The following CRIM1 variants were observed in gnomAD, a reference collection of about 807,000 sequenced individuals.
The protein encoded by CRIM1 is cysteine rich transmembrane BMP regulator 1.
In CRIM1, 32 loss-of-function variants were observed where a neutral mutation model predicts 116.4. That is an observed-to-expected ratio of 0.27 (90% CI 0.21 to 0.37). The LOEUF (loss-of-function observed/expected upper bound fraction) is 0.37. Ranked by LOEUF, CRIM1 falls within the 10% of genes least tolerant of loss-of-function variation. The pLI, the probability that CRIM1 is intolerant of heterozygous loss-of-function variation, is 1.00. For synonymous variants in CRIM1, 590 were observed against 509.2 expected, an observed-to-expected ratio of 1.16 and a Z score of -2.13; for missense variants, 1,331 against 1,354.8, an observed-to-expected ratio of 0.98 and a Z score of 0.28.
intron 5 of CRIM1, among the ~76,000 whole-genome samples, chr2:36,471,424 C>A (rs1220997415): frequency 6.6e-6 from 1 of 152,070 alleles, no homozygotes; most frequent in Non-Finnish European, 1.5e-5. Context: ...TTGCCACAGC[C>A]ACCCCAACCT....
intron 2 of CRIM1, among the ~76,000 whole-genome samples, chr2:36,419,809 G>A (rs1673913531): frequency 1.3e-5 from 2 of 152,210 alleles, no homozygotes; most frequent in Admixed American, 1.3e-4. Context: ...GATCTGCGCA[G>A]CACATCTGAA....
intron 12 of CRIM1, among the ~76,000 whole-genome samples, chr2:36,520,349 C>G (rs1665301386): frequency 6.6e-6 from 1 of 152,198 alleles, no homozygotes; most frequent in Non-Finnish European, 1.5e-5. Context: ...TAACGTAAGT[C>G]ACAAAAACCT....
At chr2:36,438,130 C>CAAA (rs200633505) in intron 2 of CRIM1, among the ~76,000 whole-genome samples, 4 of 100,428 alleles carry the variant, frequency 4.0e-5, no homozygotes, top group African/African-American at 7.5e-5. Flanking sequence ...GACTCCATCT[C>CAAA]AAAAAAAAAA....
intron 13 of CRIM1, among the ~76,000 whole-genome samples, chr2:36,534,479 A>G (rs893795116): frequency 1.6e-4 from 20 of 127,598 alleles, no homozygotes; most frequent in Middle Eastern, 4.1e-3. Flanking sequence ...AGGAAAATAT[A>G]GGCAGGAAGG....
At chr2:36,476,419 C>G (rs1353291964) in intron 5 of CRIM1, among the ~76,000 whole-genome samples, 1 of 152,044 alleles carries the variant, frequency 6.6e-6, no homozygotes, top group African/African-American at 2.4e-5. Context: ...ATACCATGTA[C>G]AGAGAAAAAG....
Position 36,544,362 on chromosome 2 carries a change from T to C in CRIM1, c.2624-14T>C. 2 of 1,338,276 alleles carry C rather than the reference T, an allele frequency of 1.5e-6. No homozygotes were observed. The highest frequency in any genetic ancestry group is 2.0e-4 in the Middle Eastern group (1 of 5,030). 82.9% of individuals were successfully genotyped at this position (1,338,276 alleles called of 1,614,324 possible). A position where few individuals can be genotyped will look rare whatever the true frequency, so the allele number is the denominator to read the frequency against. ...GCTTCATCATCTCTTAGGAAAAATG[T>C]TCCCTTCTTTTAGAAATGTATGTCC... On this transcript the variant is annotated splice_polypyrimidine_tract_variant and intron_variant, in intron 14 of 16. Coordinates refer to ENST00000280527, the MANE Select transcript of CRIM1 (RefSeq NM_016441.3).
At chr2:36,495,161 G>A (rs891238557) in intron 7 of CRIM1, among the ~76,000 whole-genome samples, 10 of 152,088 alleles carry the variant, frequency 6.6e-5, no homozygotes, top group East Asian at 1.9e-4. Flanking sequence ...CTTTGTTTAC[G>A]AAACACGCCA....
chr2:36,404,485 C>T (rs1333846700), intron 2 of CRIM1, among the ~76,000 whole-genome samples: 1 of 152,156 alleles, frequency 6.6e-6, no homozygotes, highest in Admixed American at 6.5e-5. Flanking sequence ...CCTTCCGAGG[C>T]GACCGCTTTC....
At chr2:36,522,447 T>A in intron 13 of CRIM1, 134 bp downstream of exon 13, 1 of 680,518 alleles carries the variant, frequency 1.5e-6, no homozygotes, top group Non-Finnish European at 2.6e-6. Context: ...AGACCCAGTG[T>A]AGCAACACTG....
At chr2:36,357,114 C>T (rs1206634272) in intron 1 of CRIM1, among the ~76,000 whole-genome samples, 2 of 152,222 alleles carry the variant, frequency 1.3e-5, no homozygotes, top group Non-Finnish European at 2.9e-5. Context: ...GCTCGCACTC[C>T]CCGAGTGACT....
intron 8 of CRIM1, among the ~76,000 whole-genome samples, chr2:36,505,920 T>C (rs907585529): frequency 1.3e-5 from 2 of 152,180 alleles, no homozygotes; most frequent in Non-Finnish European, 2.9e-5. Flanking sequence ...CACTGAACGC[T>C]GTTGTCCTGC....
rs6730889 is a variant in CRIM1, at chr2:36,476,986, T to A, written c.1089T>A (p.Val363=). 35,032 of 1,614,068 alleles carry A rather than the reference T, an allele frequency of 0.022. 837 individuals carry two copies. Among genetic ancestry groups the A allele is most frequent in the African/African-American group, 0.11 (8,223 of 75,012 alleles). Residue 363 remains valine, a synonymous_variant, in exon 6 of 17, where the codon GTT becomes GTA. Transcript: ENST00000280527. ...NCRFCRCQGG[V]AICFTAQCGE... Reference sequence around the variant, plus strand: ...GGTTCTGTCGATGCCAAGGGGGCGTTGCCATCTGCTTCACCGCCCAGTGTG... The same window carrying A: ...GGTTCTGTCGATGCCAAGGGGGCGTAGCCATCTGCTTCACCGCCCAGTGTG...
At chr2:36,441,631 C>T in intron 3 of CRIM1, 131 bp downstream of exon 3, 1 of 1,193,274 alleles carries the variant, frequency 8.4e-7, no homozygotes, top group Non-Finnish European at 1.2e-6. Flanking sequence ...GAATCTGCCA[C>T]TTTGGGCTAA....
chr2:36,427,858 A>C (rs960158512), intron 2 of CRIM1, among the ~76,000 whole-genome samples: 5 of 151,632 alleles, frequency 3.3e-5, no homozygotes, highest in South Asian at 2.1e-4. Context: ...CCATTTGTTC[A>C]CTGTGTCTCA....
At chr2:36,405,389 C>G (rs1054388034) in intron 2 of CRIM1, among the ~76,000 whole-genome samples, 1 of 152,176 alleles carries the variant, frequency 6.6e-6, no homozygotes, top group African/African-American at 2.4e-5. Flanking sequence ...AAGACAGAGG[C>G]TCCCAGCTCT....
At chr2:36,430,840 C>T (rs995063705) in intron 2 of CRIM1, among the ~76,000 whole-genome samples, 1 of 152,154 alleles carries the variant, frequency 6.6e-6, no homozygotes, top group African/African-American at 2.4e-5. Flanking sequence ...TGGAGGCACT[C>T]CTTACCATTC....
chr2:36,486,147 A>G (rs183578530), intron 7 of CRIM1, among the ~76,000 whole-genome samples: 169 of 152,352 alleles, frequency 1.1e-3, no homozygotes, highest in African/African-American at 3.9e-3. Context: ...AGACACTCAC[A>G]TCCAGCCTTA....
intron 7 of CRIM1, among the ~76,000 whole-genome samples, chr2:36,498,983 A>G (rs558575975): frequency 4.5e-4 from 69 of 152,376 alleles, no homozygotes; most frequent in Admixed American, 2.3e-3. Flanking sequence ...AAGGTACCAA[A>G]AACTGCATGA....
At chr2:36,429,098 G>T (rs1483206731) in intron 2 of CRIM1, among the ~76,000 whole-genome samples, 1 of 152,180 alleles carries the variant, frequency 6.6e-6, no homozygotes, top group Non-Finnish European at 1.5e-5. Flanking sequence ...GGGCAAAAAA[G>T]CTGAAAGGAA....
Sources: gnomAD v4.1 joint callset for allele counts (sites outside exome capture counted in the v4.1 genomes callset) on GRCh38, gnomAD v4.1.1 for gene constraint, MANE v1.5 for transcripts, NCBI Gene and HGNC (gene_info 2026-07-23, HGNC 2026-07-21) for gene names.